The following MAGIX variants were observed in gnomAD, a reference collection of about 807,000 sequenced individuals.
MAGIX encodes the protein MAGI family member, X-linked.
MAGIX carries 13 observed loss-of-function variants against 10.0 expected under a neutral mutation model. The observed-to-expected ratio is 1.30, with a 90% confidence interval of 0.84 to 2.06. The LOEUF (loss-of-function observed/expected upper bound fraction) is 2.06. MAGIX is among the 30% of genes most tolerant of loss of function. The probability of loss-of-function intolerance (pLI) is 0.00; values close to 1 mark genes in which losing one functional copy is unlikely to be tolerated. For synonymous variants in MAGIX, 108 were observed against 106.8 expected (o/e 1.01, Z -0.07); for missense variants, 235 against 245.2 (o/e 0.96, Z 0.28).
At chrX:49,163,608 G>A in intron 1 of MAGIX, 175 bp from the exon 2 acceptor site, 1 of 378,267 alleles carries the variant, frequency 2.6e-6, no homozygotes, top group Non-Finnish European at 4.0e-6. Flanking sequence ...CCGGCTACCC[G>A]CGACGGTCGG....
chrX:49,165,177 T>C lies in MAGIX; in HGVS notation c.331-13T>C. 1 of 1,199,234 alleles carries C rather than the reference T, an allele frequency of 8.3e-7. No homozygotes were observed. Among genetic ancestry groups the C allele is most frequent in the Non-Finnish European group, 1.1e-6 (1 of 888,879 alleles). ...TTTTGCCTTTCCAACACGACTGCATTGCACTCCTCCAGGTCGGGGACCTCG... is the reference window on the plus strand; with the variant it reads ...TTTTGCCTTTCCAACACGACTGCATCGCACTCCTCCAGGTCGGGGACCTCG... On this transcript the variant is annotated splice_polypyrimidine_tract_variant and intron_variant, in intron 3 of 4. Transcript: ENST00000616266.
exon 5 of MAGIX, chrX:49,166,082 T>G (rs1557097816): frequency 8.3e-7 from 1 of 1,209,067 alleles, no homozygotes; most frequent in South Asian, 1.8e-5. Flanking sequence ...AGTCCCGTCA[T>G]GGCCAGATCG....
chrX:49,166,398 G>C, exon 5 of MAGIX: 1 of 1,127,438 alleles, frequency 8.9e-7, no homozygotes, highest in Non-Finnish European at 1.2e-6. Flanking sequence ...CGGAGACACT[G>C]AGCCTACCTC....
chrX:49,165,770 T>G, intron 4 of MAGIX: 1 of 336,380 alleles, frequency 3.0e-6, no homozygotes, highest in Admixed American at 5.3e-5. Flanking sequence ...GTCGGTGGTT[T>G]GGGAGTCAAC....
At chrX:49,162,805 G>A in intron 1 of MAGIX, 1 of 545,265 alleles carries the variant, frequency 1.8e-6, no homozygotes, top group Non-Finnish European at 2.8e-6. Flanking sequence ...AGCCTCCAGG[G>A]CCTGGGCGGG....
exon 5 of MAGIX, chrX:49,167,525 A>G (rs1243110047): frequency 9.7e-5 from 11 of 113,467 alleles, no homozygotes; most frequent in African/African-American, 3.5e-4. Flanking sequence ...CGGGGAAGGA[A>G]GAAAGAATTT....
intron 2 of MAGIX, chrX:49,164,130 C>T (rs1361510468): frequency 6.2e-6 from 2 of 323,816 alleles, no homozygotes; most frequent in Non-Finnish European, 1.0e-5. Context: ...TTATTGCAGT[C>T]GGCGAGGGCT....
At position 49,166,541 on chromosome X, in the gene MAGIX, T is replaced by A. The variant is rs1411599311; in HGVS notation, c.*142T>A. ...CGCTGCTCAGTGGCTCTGACCACAC[T>A]CCCCTCGCAGCGTCAGTGGTACGAC... On this transcript the variant is annotated 3_prime_UTR_variant, in exon 5 of 5. Coordinates refer to ENST00000616266, the Ensembl canonical transcript of MAGIX. 6.2e-6 allele frequency: 3 copies of A among 481,304 alleles called. No individual in the cohort carries two copies. In the African/African-American group the frequency reaches 7.3e-5, roughly 12 times the overall value. 39.7% of individuals were successfully genotyped at this position (481,304 alleles called of 1,213,427 possible).
exon 2 of MAGIX, chrX:49,163,832 G>T: frequency 9.6e-7 from 1 of 1,039,979 alleles, no homozygotes. Flanking sequence ...AGCTCCTGGC[G>T]CGGTTGGACG....
chrX:49,163,734 G>T, intron 1 of MAGIX, 49 bp from the exon 2 acceptor site: 1 of 994,181 alleles, frequency 1.0e-6, no homozygotes. Context: ...AAGCATAGGG[G>T]TTGGCCGAGG....
exon 2 of MAGIX, chrX:49,163,897 C>T (rs2065347191): frequency 9.7e-7 from 1 of 1,025,642 alleles, no homozygotes; most frequent in Non-Finnish European, 1.2e-6. Flanking sequence ...GTACGCAGGG[C>T]GGGCGCCACA....
At chrX:49,164,286 A>C in intron 2 of MAGIX, 1 of 268,654 alleles carries the variant, frequency 3.7e-6, no homozygotes, top group East Asian at 6.6e-5. Flanking sequence ...CTATAGTCCC[A>C]TGGGGGCGGG....
chrX:49,164,392 G>A, intron 2 of MAGIX: 1 of 384,277 alleles, frequency 2.6e-6, no homozygotes. Context: ...CATTCTCCAG[G>A]GTGGGCCGAA....
Position 49,165,369 on chromosome X carries a change from TC to T in MAGIX, c.502+11del. ...AGCCCCGAAAAGGAGTTGGTGGGTT[TC>T]CCAAGGGAGAGAAGTCAGAGATCAG... On this transcript the variant is annotated intron_variant, in intron 4 of 4. Coordinates refer to ENST00000616266, the Ensembl canonical transcript of MAGIX. The T allele has an allele frequency of 8.7e-7, 1 of 1,149,613 alleles. No homozygotes were observed. The highest frequency in any genetic ancestry group is 1.2e-6 in the Non-Finnish European group (1 of 863,603). The allele number at this position is 1,149,613 out of a possible 1,213,427, so 94.7% of individuals were successfully genotyped here. A position where few individuals can be genotyped will look rare whatever the true frequency, so the allele number is the denominator to read the frequency against.
At chrX:49,166,160 C>T (rs1053518983) in exon 5 of MAGIX, 6 of 1,211,932 alleles carry the variant, frequency 5.0e-6, no homozygotes, top group Non-Finnish European at 6.7e-6. Flanking sequence ...AGTTCAGCAC[C>T]CTCCATCCCG....
intron 4 of MAGIX, chrX:49,165,702 C>T (rs781901471): frequency 3.0e-4 from 89 of 301,449 alleles, no homozygotes; most frequent in Middle Eastern, 2.7e-3. Flanking sequence ...GGATCTTAGC[C>T]GGGGGAAAAT....
exon 2 of MAGIX, chrX:49,163,899 G>T: frequency 9.7e-7 from 1 of 1,026,167 alleles, no homozygotes; most frequent in East Asian, 4.1e-5. Context: ...ACGCAGGGCG[G>T]GCGCCACATT....
At chrX:49,163,475 A>C in intron 1 of MAGIX, 1 of 186,051 alleles carries the variant, frequency 5.4e-6, no homozygotes. Context: ...TCGCGGGCGA[A>C]GAGTTGGGCA....
At chrX:49,163,788 G>A in exon 2 of MAGIX, 1 of 1,048,104 alleles carries the variant, frequency 9.5e-7, no homozygotes, top group Non-Finnish European at 1.2e-6. Flanking sequence ...CGCAGGCCGC[G>A]GCCCCTCCCC....
Sources: gnomAD v4.1 joint callset for allele counts on GRCh38, gnomAD v4.1.1 for gene constraint, MANE v1.5 for transcripts, NCBI Gene and HGNC (gene_info 2026-07-23, HGNC 2026-07-21) for gene names.